BCAS3: variants seen among roughly 807,000 people sequenced by gnomAD.
BCAS3 encodes BCAS4/BCAS3 fusion.
BCAS3 carries 53 observed loss-of-function variants against 116.1 expected under a neutral mutation model. The observed-to-expected ratio is 0.46, with a 90% CI of 0.37 to 0.57. The LOEUF (loss-of-function observed/expected upper bound fraction) is 0.57, where lower values mean the gene tolerates loss of function less well. BCAS3 is among the 20% of genes least tolerant of loss of function. The pLI is 0.00. For missense variants in BCAS3, 917 were observed against 1,165.4 expected, an observed-to-expected ratio of 0.79 and a Z score of 3.10; for synonymous variants, 391 against 408.2, an observed-to-expected ratio of 0.96 and a Z score of 0.51.
Position 61,021,270 on chromosome 17 carries a change from A to T in BCAS3, c.1637+5369A>T, listed in dbSNP as rs1456039333. On this transcript the variant is annotated intron_variant, in intron 16 of 23. Coordinates refer to ENST00000407086, the MANE Select transcript of BCAS3 (RefSeq NM_017679.5). The surrounding 1 kb of genome is among the most constrained non-coding windows in gnomAD (Gnocchi z 4.6). ...AGATTGGGTTTCTCTATGTTGCCCA[A>T]GCTGGTCTTGAACTCCTGGTCTCAA... Among the ~76,000 whole-genome samples, 1 of 152,064 alleles carries T rather than the reference A, an allele frequency of 6.6e-6. No homozygotes were observed. Among genetic ancestry groups the T allele is most frequent in the East Asian group, 1.9e-4 (1 of 5,184 alleles).
Position 61,051,879 on chromosome 17 carries a change from A to G in BCAS3, c.2029+10987A>G, listed in dbSNP as rs2068890427. ...ATATTATAAAGGGAAAAGATCTGAAATCAATGACCTCAGCTTCCACATTGA... is the reference window on the plus strand; with the variant it reads ...ATATTATAAAGGGAAAAGATCTGAAGTCAATGACCTCAGCTTCCACATTGA... On this transcript the variant is annotated intron_variant, in intron 19 of 23. Transcript: ENST00000407086. This position sits in a 1 kb window ranked among gnomAD's most constrained non-coding sequence, Gnocchi z 4.1. Among the ~76,000 whole-genome samples the G allele has an allele frequency of 6.6e-6, 1 of 152,358 alleles. No individual in the cohort carries two copies. The highest frequency in any genetic ancestry group is 2.4e-5 in the African/African-American group (1 of 41,582).
At chr17:61,166,657 C>CA (rs1336427554) in intron 22 of BCAS3, among the ~76,000 whole-genome samples, 1 of 152,156 alleles carries the variant, frequency 6.6e-6, no homozygotes, top group Non-Finnish European at 1.5e-5. Flanking sequence ...CTTGCCCTCT[C>CA]AAAGTGCTGA....
At chr17:61,016,427 A>G (rs1298052937) in intron 16 of BCAS3, among the ~76,000 whole-genome samples, 1 of 152,210 alleles carries the variant, frequency 6.6e-6, no homozygotes, top group Non-Finnish European at 1.5e-5. Context: ...TTTGGGCTTT[A>G]TTTAAGATTG....
rs1036076461 is a variant in BCAS3 at position 61,151,526 on chromosome 17, G to C, written c.2425+66962G>C. Among the ~76,000 whole-genome samples, 1 of 151,812 alleles carries C rather than the reference G, an allele frequency of 6.6e-6. No individual in the cohort carries two copies. Among genetic ancestry groups the C allele is most frequent in the Non-Finnish European group, 1.5e-5 (1 of 67,980 alleles). ...TCTGTCACCCAGACTGGGGTACGTG[G>C]CACAATCATGACTCACTGCAGCCTC... On this transcript the variant is annotated intron_variant, in intron 22 of 23. Coordinates refer to ENST00000407086, the MANE Select transcript of BCAS3 (RefSeq NM_017679.5). The surrounding 1 kb of genome is among the most constrained non-coding windows in gnomAD (Gnocchi z 4.8).
intron 22 of BCAS3, among the ~76,000 whole-genome samples, chr17:61,221,169 C>T (rs1382537447): frequency 6.6e-6 from 1 of 152,212 alleles, no homozygotes; most frequent in Admixed American, 6.5e-5. Flanking sequence ...ATATCAGCTG[C>T]TATAATTGTT....
At chr17:61,100,086 GTTA>G (rs570205950) in intron 22 of BCAS3, among the ~76,000 whole-genome samples, 67 of 152,288 alleles carry the variant, frequency 4.4e-4, no homozygotes, top group Admixed American at 3.7e-3. Flanking sequence ...AAAGGCAACA[GTTA>G]TTATATAAAT....
At chr17:61,207,775 T>C (rs1325069231) in intron 22 of BCAS3, among the ~76,000 whole-genome samples, 2 of 152,138 alleles carry the variant, frequency 1.3e-5, no homozygotes, top group Non-Finnish European at 2.9e-5. Flanking sequence ...CTCAAAGAAA[T>C]ATGCTCACAG....
intron 12 of BCAS3, among the ~76,000 whole-genome samples, chr17:60,914,826 G>A (rs1378193618): frequency 1.3e-5 from 2 of 151,886 alleles, no homozygotes; most frequent in Admixed American, 6.6e-5. Context: ...CATAACATAC[G>A]AAATATGTGT....
chr17:60,835,617 T>G (rs1413051586), intron 7 of BCAS3, among the ~76,000 whole-genome samples: 1 of 152,088 alleles, frequency 6.6e-6, no homozygotes, highest in Non-Finnish European at 1.5e-5. Context: ...AATCAAATGT[T>G]TAAAGAAAAG....
In BCAS3 at chr17:61,339,764, T is replaced by TA. The variant is rs773351461; in HGVS notation, c.2426-28547dup. 1.2e-3 allele frequency among the ~76,000 whole-genome samples: 137 copies of TA among 115,598 alleles called. No homozygotes were observed. Among genetic ancestry groups the TA allele is most frequent in the South Asian group, 2.5e-3 (9 of 3,650 alleles). 75.8% of individuals were successfully genotyped at this position (115,598 alleles called of 152,430 possible). Reference sequence around the variant, plus strand: ...CGGGGCGACAAAGCGAGACCCCATCTAAAAAAAAAAAAAAAAGACCAAGGA... The same window carrying TA: ...CGGGGCGACAAAGCGAGACCCCATCTAAAAAAAAAAAAAAAAAGACCAAGGA... On this transcript the variant is annotated intron_variant, in intron 22 of 23. Coordinates refer to ENST00000407086, the MANE Select transcript of BCAS3 (RefSeq NM_017679.5). This position sits in a 1 kb window ranked among gnomAD's most constrained non-coding sequence, Gnocchi z 4.4.
chr17:61,332,154 C>G lies in BCAS3; in HGVS notation c.2426-36173C>G, dbSNP rs1165864974. Among the ~76,000 whole-genome samples the G allele has an allele frequency of 2.6e-5, 4 of 152,350 alleles. No individual in the cohort carries two copies. Among genetic ancestry groups the G allele is most frequent in the Non-Finnish European group, 5.9e-5 (4 of 68,034 alleles). On this transcript the variant is annotated intron_variant, in intron 22 of 23. Transcript: ENST00000407086. The surrounding 1 kb of genome is among the most constrained non-coding windows in gnomAD (Gnocchi z 5.4). ...CTCTGGAGCTGGGCCACGGGCTCCT[C>G]TCTCTGGAAAGGCTCTGCAGAGAGA...
At position 61,226,590 on chromosome 17, in the gene BCAS3, T is replaced by G. The variant is rs985010571; in HGVS notation, c.2426-141737T>G. On this transcript the variant is annotated intron_variant, in intron 22 of 23. Coordinates refer to ENST00000407086, the MANE Select transcript of BCAS3 (RefSeq NM_017679.5). This position sits in a 1 kb window ranked among gnomAD's most constrained non-coding sequence, Gnocchi z 6.0. ...CCCAGTATTTACTAGATCTTAGATTTTAAGGGTTAGAATTTTTTCAGGGTG... is the reference window on the plus strand; with the variant it reads ...CCCAGTATTTACTAGATCTTAGATTGTAAGGGTTAGAATTTTTTCAGGGTG... Among the ~76,000 whole-genome samples the G allele has an allele frequency of 6.6e-6, 1 of 152,208 alleles. No individual in the cohort carries two copies.
At position 61,141,773 on chromosome 17, in the gene BCAS3, C is replaced by T. The variant is rs577270720; in HGVS notation, c.2425+57209C>T. Among the ~76,000 whole-genome samples the T allele has an allele frequency of 1.4e-4, 21 of 151,620 alleles. No homozygotes were observed. Among genetic ancestry groups the T allele is most frequent in the African/African-American group, 4.6e-4 (19 of 41,314 alleles). On this transcript the variant is annotated intron_variant, in intron 22 of 23. Transcript: ENST00000407086. The surrounding 1 kb of genome is among the most constrained non-coding windows in gnomAD (Gnocchi z 4.3). ...AAAATTAGCTGGGCGTGGTGGCGCACGCCTGTAGTCCCAACTACTCAGGAG... is the reference window on the plus strand; with the variant it reads ...AAAATTAGCTGGGCGTGGTGGCGCATGCCTGTAGTCCCAACTACTCAGGAG...
At chr17:60,908,420 C>T (rs1237953785) in intron 11 of BCAS3, among the ~76,000 whole-genome samples, 2 of 152,128 alleles carry the variant, frequency 1.3e-5, no homozygotes, top group Non-Finnish European at 2.9e-5. Context: ...GACTTTAAAA[C>T]TAAAAGGCAT....
At chr17:60,840,029 T>A (rs1434313846) in intron 7 of BCAS3, among the ~76,000 whole-genome samples, 2 of 152,078 alleles carry the variant, frequency 1.3e-5, no homozygotes, top group Non-Finnish European at 2.9e-5. Context: ...TAAAGTGATG[T>A]TCATTGTATT....
At chr17:60,745,663 A>G (rs2041960155) in intron 5 of BCAS3, among the ~76,000 whole-genome samples, 1 of 152,132 alleles carries the variant, frequency 6.6e-6, no homozygotes, top group Admixed American at 6.5e-5. Flanking sequence ...TGTAGAGTAA[A>G]TAAGTTCTTA....
At chr17:60,856,480 G>C (rs961741427) in intron 7 of BCAS3, among the ~76,000 whole-genome samples, 5 of 152,132 alleles carry the variant, frequency 3.3e-5, no homozygotes, top group African/African-American at 1.2e-4. Flanking sequence ...CATGAGGCCA[G>C]TAGTTCGAGA....
chr17:60,990,103 G>C lies in BCAS3; in HGVS notation c.1354G>C (p.Val452Leu). Reference sequence around the variant, plus strand: ...TCGTACACATATGTCACCACGAGTAGTGAATCGCATGAGCCGTTTCCAGAA... The same window carrying C: ...TCGTACACATATGTCACCACGAGTACTGAATCGCATGAGCCGTTTCCAGAA... Reference protein sequence around the residue: ...CVRTHMSPRVVNRMSRFQKSA... With the variant: ...CVRTHMSPRVLNRMSRFQKSA... The change falls in exon 15 of 24, where the codon GTG (valine) becomes CTG (leucine). Residue 452 changes from valine (V) to leucine (L), a missense_variant. Val to Leu is a conservative substitution (Grantham distance 32). Coordinates refer to ENST00000407086, the MANE Select transcript of BCAS3 (RefSeq NM_017679.5). This position sits in a 1 kb window ranked among gnomAD's most constrained non-coding sequence, Gnocchi z 5.1. 2 of 1,614,206 alleles carry C rather than the reference G, an allele frequency of 1.2e-6. No individual in the cohort carries two copies. The highest frequency in any genetic ancestry group is 1.7e-6 in the Non-Finnish European group (2 of 1,180,036).
chr17:60,750,048 T>C (rs2042321323), intron 6 of BCAS3, among the ~76,000 whole-genome samples: 1 of 152,108 alleles, frequency 6.6e-6, no homozygotes, highest in Admixed American at 6.5e-5. Context: ...GTGCCTGTTA[T>C]TCCAGCTACT....
Sources: allele counts gnomAD v4.1 joint callset (sites outside exome capture counted in the v4.1 genomes callset), GRCh38; gene constraint gnomAD v4.1.1; non-coding constraint Gnocchi (gnomAD v3.1); transcripts MANE v1.5; gene names NCBI Gene and HGNC (gene_info 2026-07-23, HGNC 2026-07-21).